The following SMYD3 variants were observed in gnomAD, a reference collection of about 807,000 sequenced individuals.
SMYD3 encodes histone-lysine N-methyltransferase SMYD3.
Under a neutral mutation model 57.7 loss-of-function variants are expected in SMYD3, and 36 were observed. That is an observed-to-expected ratio of 0.62 (90% CI 0.48 to 0.82). The LOEUF is 0.82. Ranked by LOEUF, SMYD3 falls within the 40% of genes least tolerant of loss-of-function variation. SMYD3 has a pLI of 0.00. For missense variants in SMYD3, 515 were observed against 538.8 expected, an observed-to-expected ratio of 0.96 and a Z score of 0.44; for synonymous variants, 211 against 195.0, an observed-to-expected ratio of 1.08 and a Z score of -0.68.
At chr1:245,842,366 T>C (rs1046698061) in intron 10 of SMYD3, among the ~76,000 whole-genome samples, 3 of 152,338 alleles carry the variant, frequency 2.0e-5, no homozygotes, top group East Asian at 1.9e-4. Context: ...CTTTCCATAA[T>C]TGATTTTCGG....
At chr1:245,981,537 G>C (rs983561330) in intron 5 of SMYD3, among the ~76,000 whole-genome samples, 2 of 152,176 alleles carry the variant, frequency 1.3e-5, no homozygotes, top group African/African-American at 4.8e-5. Flanking sequence ...TAAATTTAAA[G>C]GTTCCCTTAT....
chr1:245,759,692 A>G (rs1353027059), intron 11 of SMYD3, among the ~76,000 whole-genome samples: 1 of 152,210 alleles, frequency 6.6e-6, no homozygotes, highest in Non-Finnish European at 1.5e-5. Flanking sequence ...AAAAAGCTAA[A>G]AAGATGCTCA....
intron 5 of SMYD3, among the ~76,000 whole-genome samples, chr1:246,216,564 A>T (rs1340930222): frequency 6.6e-6 from 1 of 152,140 alleles, no homozygotes; most frequent in Non-Finnish European, 1.5e-5. Context: ...TTGTTATAAA[A>T]GAGAACGTCT....
chr1:246,079,015 CTT>C (rs879864120), intron 5 of SMYD3, among the ~76,000 whole-genome samples: 11 of 142,370 alleles, frequency 7.7e-5, no homozygotes, highest in Admixed American at 1.4e-4. Flanking sequence ...TCTCATCATT[CTT>C]TTTTTTTTTT....
chr1:245,841,952 A>G (rs1408368817), intron 10 of SMYD3, among the ~76,000 whole-genome samples: 1 of 152,194 alleles, frequency 6.6e-6, no homozygotes, highest in Non-Finnish European at 1.5e-5. Flanking sequence ...TTTAAATTTT[A>G]TGACATATTT....
chr1:246,229,699 G>A (rs1254753161), intron 5 of SMYD3, among the ~76,000 whole-genome samples: 1 of 152,206 alleles, frequency 6.6e-6, no homozygotes, highest in Non-Finnish European at 1.5e-5. Context: ...GCAAGAGGGG[G>A]CCGAATTCAC....
intron 5 of SMYD3, among the ~76,000 whole-genome samples, chr1:246,041,270 C>T (rs1230815578): frequency 6.6e-6 from 1 of 152,096 alleles, no homozygotes; most frequent in Non-Finnish European, 1.5e-5. Flanking sequence ...AATATTCCCA[C>T]CCTTAAGCAA....
intron 5 of SMYD3, among the ~76,000 whole-genome samples, chr1:245,967,023 CT>C: frequency 6.6e-6 from 1 of 152,290 alleles, no homozygotes; most frequent in Non-Finnish European, 1.5e-5. Context: ...ACTCCAACTG[CT>C]TTTTGTCTTC....
At chr1:245,775,455 G>T (rs886939713) in intron 10 of SMYD3, among the ~76,000 whole-genome samples, 7 of 151,176 alleles carry the variant, frequency 4.6e-5, no homozygotes, top group African/African-American at 1.2e-4. Context: ...GTCAACTCAG[G>T]GTTAAATGGA....
At chr1:245,775,241 G>A (rs2046528544) in intron 10 of SMYD3, among the ~76,000 whole-genome samples, 1 of 152,226 alleles carries the variant, frequency 6.6e-6, no homozygotes, top group Admixed American at 6.5e-5. Flanking sequence ...TTGAGAACGG[G>A]CCATGATGAC....
At chr1:246,142,729 C>T (rs1489910232) in intron 5 of SMYD3, among the ~76,000 whole-genome samples, 3 of 152,152 alleles carry the variant, frequency 2.0e-5, no homozygotes, top group Non-Finnish European at 4.4e-5. Context: ...CCAAAGGTAA[C>T]TAAAAGCACA....
intron 10 of SMYD3, among the ~76,000 whole-genome samples, chr1:245,848,473 G>T (rs553059881): frequency 3.5e-4 from 53 of 152,156 alleles, no homozygotes; most frequent in African/African-American, 1.2e-3. Flanking sequence ...GTTGGAGCAT[G>T]TGGTGGTTCC....
intron 1 of SMYD3, among the ~76,000 whole-genome samples, chr1:246,408,393 TA>T (rs1435866438): frequency 6.6e-6 from 1 of 152,166 alleles, no homozygotes; most frequent in Non-Finnish European, 1.5e-5. Context: ...TACATGTTTA[TA>T]AAAAGGGGTT....
intron 5 of SMYD3, among the ~76,000 whole-genome samples, chr1:245,994,362 C>T (rs1297102457): frequency 1.3e-5 from 2 of 152,136 alleles, no homozygotes; most frequent in African/African-American, 2.4e-5. Context: ...AAAGCGAAGG[C>T]GTCAGCTGAG....
chr1:246,369,087 AAAT>A (rs894108398), intron 1 of SMYD3, among the ~76,000 whole-genome samples: 1 of 152,220 alleles, frequency 6.6e-6, no homozygotes, highest in Non-Finnish European at 1.5e-5. Context: ...AAATGAGCAT[AAAT>A]AATAATAATA....
At chr1:245,843,262 G>A (rs946179224) in intron 10 of SMYD3, among the ~76,000 whole-genome samples, 2 of 152,058 alleles carry the variant, frequency 1.3e-5, no homozygotes, top group African/African-American at 4.8e-5. Flanking sequence ...GGATGTGGAC[G>A]AGTAAAGCCA....
At chr1:246,137,601 C>T (rs2061683066) in intron 5 of SMYD3, among the ~76,000 whole-genome samples, 1 of 151,962 alleles carries the variant, frequency 6.6e-6, no homozygotes, top group Non-Finnish European at 1.5e-5. Context: ...CCATAACAAC[C>T]TAAATATAGT....
At chr1:245,932,808 C>T (rs78092654) in intron 5 of SMYD3, among the ~76,000 whole-genome samples, 3,134 of 152,246 alleles carry the variant, frequency 0.021, 72 homozygotes, top group African/African-American at 0.047. Flanking sequence ...GTGGTCCTCC[C>T]GTCTCGGCTT....
intron 5 of SMYD3, among the ~76,000 whole-genome samples, chr1:246,134,347 T>C (rs1354218593): frequency 1.3e-5 from 2 of 152,278 alleles, no homozygotes; most frequent in East Asian, 1.9e-4. Context: ...ATTTTATATA[T>C]GTTTATTAAA....
Sources: gnomAD v4.1 joint callset for allele counts (sites outside exome capture counted in the v4.1 genomes callset) on GRCh38, gnomAD v4.1.1 for gene constraint, MANE v1.5 for transcripts, NCBI Gene and HGNC (gene_info 2026-07-23, HGNC 2026-07-21) for gene names.